Variants in PRTFDC1 observed in about 807,000 individuals in gnomAD.
PRTFDC1 encodes phosphoribosyl transferase domain containing 1, also known as phosphoribosyltransferase domain-containing protein 1.
PRTFDC1 carries 38 observed loss-of-function variants against 34.6 expected under a neutral mutation model. The ratio of observed to expected loss-of-function variants is 1.10; its 90% CI spans 0.85 to 1.44. PRTFDC1 has a LOEUF of 1.44. PRTFDC1 is among the 40% of genes most tolerant of loss of function. PRTFDC1 has a pLI of 0.00. For missense variants in PRTFDC1, 270 were observed against 283.0 expected, an observed-to-expected ratio of 0.95 and a Z score of 0.33; for synonymous variants, 93 against 98.1, an observed-to-expected ratio of 0.95 and a Z score of 0.31.
chr10:24,858,475 T>A, intron 4 of PRTFDC1, 66 bp from the exon 5 acceptor site: 1 of 1,541,014 alleles, frequency 6.5e-7, no homozygotes, highest in Non-Finnish European at 9.0e-7. Context: ...ACATACACAT[T>A]TTTTTGCTTA....
chr10:24,934,184 CTA>C (rs1849011882), intron 3 of PRTFDC1, among the ~76,000 whole-genome samples: 1 of 150,744 alleles, frequency 6.6e-6, no homozygotes, highest in Admixed American at 6.6e-5. Context: ...AAACTGCACT[CTA>C]TCTATATAAT....
intron 4 of PRTFDC1, among the ~76,000 whole-genome samples, chr10:24,867,276 C>T (rs887941385): frequency 4.6e-5 from 7 of 152,140 alleles, no homozygotes; most frequent in African/African-American, 1.2e-4. Flanking sequence ...AACTCTGTCA[C>T]GGCTCCTTTT....
chr10:24,914,303 A>G (rs1848664890), intron 3 of PRTFDC1, among the ~76,000 whole-genome samples: 1 of 152,200 alleles, frequency 6.6e-6, no homozygotes, highest in Non-Finnish European at 1.5e-5. Context: ...CTGAGTTACT[A>G]TGAAAATAAA....
intron 3 of PRTFDC1, among the ~76,000 whole-genome samples, chr10:24,926,220 T>A (rs1848872050): frequency 6.6e-6 from 1 of 152,174 alleles, no homozygotes; most frequent in Non-Finnish European, 1.5e-5. Context: ...TTTATAAGGA[T>A]CTTGCAAGGG....
At chr10:24,915,475 C>T (rs964800245) in intron 3 of PRTFDC1, among the ~76,000 whole-genome samples, 1 of 152,136 alleles carries the variant, frequency 6.6e-6, no homozygotes, top group African/African-American at 2.4e-5. Flanking sequence ...TGGAATTGTG[C>T]CCACTCCCTA....
chr10:24,860,618 A>G lies in PRTFDC1; in HGVS notation c.406-2209T>C, dbSNP rs1046602627. Among the ~76,000 whole-genome samples the G allele has an allele frequency of 6.6e-5, 10 of 152,292 alleles. 1 individual carries two copies. In the East Asian group the frequency reaches 1.3e-3, roughly 21 times the overall value. On this transcript the variant is annotated intron_variant, in intron 4 of 8. Transcript: ENST00000320152. ...TAAATCCATTGAAAATCTTAATTTT[A>G]TCATGGAAATGTATAAGATTATTTT...
At chr10:24,909,169 T>A (rs1377521199) in intron 3 of PRTFDC1, among the ~76,000 whole-genome samples, 1 of 152,058 alleles carries the variant, frequency 6.6e-6, no homozygotes, top group African/African-American at 2.4e-5. Flanking sequence ...TATTCCCAGT[T>A]ACTTGGGAGA....
At chr10:24,901,848 A>C (rs1385912424) in intron 3 of PRTFDC1, among the ~76,000 whole-genome samples, 2 of 152,244 alleles carry the variant, frequency 1.3e-5, no homozygotes, top group Non-Finnish European at 2.9e-5. Flanking sequence ...CTCACTCTGC[A>C]TTTGCAGTGA....
chr10:24,938,207 C>T (rs554758819), intron 2 of PRTFDC1, among the ~76,000 whole-genome samples: 8 of 151,130 alleles, frequency 5.3e-5, no homozygotes, highest in South Asian at 2.1e-4. Context: ...CCAGCCTGCG[C>T]GACAGAGCAA....
At position 24,889,037 on chromosome 10, in the gene PRTFDC1, G is replaced by A. The variant is rs539491784; in HGVS notation, c.340-16974C>T. Among the ~76,000 whole-genome samples, 45 of 152,158 alleles carry A rather than the reference G, an allele frequency of 3.0e-4. No individual in the cohort carries two copies. In the East Asian group the frequency reaches 7.5e-3, roughly 25 times the overall value. On this transcript the variant is annotated intron_variant, in intron 3 of 8. Transcript: ENST00000320152. ...GTTTGTTACCCCCCTCCCCGACCCT[G>A]CCCCAAATTCAGATGTTGAAATCGA...
chr10:24,929,224 A>G (rs1379651228), intron 3 of PRTFDC1, among the ~76,000 whole-genome samples: 1 of 152,104 alleles, frequency 6.6e-6, no homozygotes, highest in Non-Finnish European at 1.5e-5. Flanking sequence ...CACAGATAAC[A>G]AGAGCTGACT....
intron 3 of PRTFDC1, among the ~76,000 whole-genome samples, chr10:24,879,531 A>G (rs973428543): frequency 2.4e-4 from 36 of 151,330 alleles, no homozygotes; most frequent in Non-Finnish European, 8.8e-5. Context: ...TTTTTAGTAG[A>G]GAGATAGGGT....
intron 3 of PRTFDC1, among the ~76,000 whole-genome samples, chr10:24,927,572 C>T (rs1375938375): frequency 3.4e-5 from 5 of 147,712 alleles, no homozygotes; most frequent in Admixed American, 6.8e-5. Context: ...AGTGATATTG[C>T]GGGACCCAAT....
chr10:24,861,389 A>T (rs1360977175), intron 4 of PRTFDC1, among the ~76,000 whole-genome samples: 2 of 152,124 alleles, frequency 1.3e-5, no homozygotes, highest in African/African-American at 4.8e-5. Context: ...AGTCCTAGCC[A>T]CTTGGGAGAT....
intron 1 of PRTFDC1, among the ~76,000 whole-genome samples, chr10:24,944,907 T>C (rs1464014672): frequency 6.6e-6 from 1 of 152,158 alleles, no homozygotes; most frequent in Non-Finnish European, 1.5e-5. Context: ...TCACCAGGGA[T>C]TACCTTGTCT....
chr10:24,901,777 T>C (rs1386042643), intron 3 of PRTFDC1, among the ~76,000 whole-genome samples: 3 of 152,186 alleles, frequency 2.0e-5, no homozygotes, highest in Non-Finnish European at 4.4e-5. Context: ...AGCGACTTCA[T>C]TTCTAATCTT....
intron 3 of PRTFDC1, among the ~76,000 whole-genome samples, chr10:24,896,798 C>T (rs1199158695): frequency 1.3e-5 from 2 of 152,174 alleles, no homozygotes; most frequent in African/African-American, 4.8e-5. Context: ...GTTGAAAAGG[C>T]CGTGTGTACC....
At chr10:24,911,043 A>T (rs908731975) in intron 3 of PRTFDC1, among the ~76,000 whole-genome samples, 3 of 152,166 alleles carry the variant, frequency 2.0e-5, no homozygotes, top group African/African-American at 7.2e-5. Context: ...GCTGACCTCA[A>T]AAATAAAAAC....
At chr10:24,879,527 G>C (rs1203360587) in intron 3 of PRTFDC1, among the ~76,000 whole-genome samples, 1 of 151,832 alleles carries the variant, frequency 6.6e-6, no homozygotes, top group Non-Finnish European at 1.5e-5. Flanking sequence ...TGTATTTTTA[G>C]TAGAGAGATA....
Sources: gnomAD v4.1 joint callset for allele counts (sites outside exome capture counted in the v4.1 genomes callset) on GRCh38, gnomAD v4.1.1 for gene constraint, MANE v1.5 for transcripts, NCBI Gene and HGNC (gene_info 2026-07-23, HGNC 2026-07-21) for gene names.